IL36B: variants seen among roughly 807,000 people sequenced by gnomAD.
IL36B encodes the protein interleukin 36 beta.
A neutral mutation model predicts 19.3 loss-of-function variants in IL36B; 23 were observed. The observed-to-expected ratio is 1.19, with a 90% CI of 0.86 to 1.69. The LOEUF (loss-of-function observed/expected upper bound fraction) is 1.69, where lower values mean the gene tolerates loss of function less well. IL36B is among the 40% of genes most tolerant of loss of function. The probability of loss-of-function intolerance (pLI) is 0.00; values close to 1 mark genes in which losing one functional copy is unlikely to be tolerated. For missense variants in IL36B, 217 were observed against 200.5 expected (o/e 1.08, Z -0.50); for synonymous variants, 59 against 59.7 (o/e 0.99, Z 0.05).
Position 113,029,005 on chromosome 2 carries a change from T to G in IL36B, c.195A>C (p.Gly65=). Residue 65 remains glycine (G), a synonymous_variant, in exon 4 of 6, where the codon GGA becomes GGC. Coordinates refer to ENST00000259213, the MANE Select transcript of IL36B (RefSeq NM_014438.5). ...AGAGACAGAGATCTTTTCCCTTGAT[T>G]CCCAGGTAAACCATATTACCCTTTT... The G allele has an allele frequency of 1.2e-6, 2 of 1,614,086 alleles. No individual in the cohort carries two copies. Among genetic ancestry groups the G allele is most frequent in the Non-Finnish European group, 1.7e-6 (2 of 1,179,904 alleles).
chr2:113,031,723 C>G lies in IL36B; in HGVS notation c.-14G>C, dbSNP rs760222125. 1.9e-6 allele frequency: 3 copies of G among 1,607,118 alleles called. No individual in the cohort carries two copies. The highest frequency in any genetic ancestry group is 2.6e-6 in the Non-Finnish European group (3 of 1,174,036). ...TTGTGGGTTCATGATGTCTTCAGAG[C>G]CTTTTGTGAAGAGAACAAGATAGAT... On this transcript the variant is annotated 5_prime_UTR_variant, in exon 2 of 6. Transcript: ENST00000259213.
intron 1 of IL36B, among the ~76,000 whole-genome samples, chr2:113,039,784 C>T (rs1007102596): frequency 9.9e-5 from 15 of 152,278 alleles, no homozygotes; most frequent in Non-Finnish European, 1.6e-4. Context: ...CAGAAAGGCA[C>T]GAGTTTATTT....
At chr2:113,025,282 C>T (rs1222486108) in intron 5 of IL36B, among the ~76,000 whole-genome samples, 1 of 152,204 alleles carries the variant, frequency 6.6e-6, no homozygotes, top group South Asian at 2.1e-4. Flanking sequence ...TTTTTCCTCT[C>T]CATATTCTGT....
chr2:113,031,767 CTGT>C lies in IL36B; in HGVS notation c.-57-4_-57-2del, dbSNP rs1480472603. 1 of 1,393,852 alleles carries C rather than the reference CTGT, an allele frequency of 7.2e-7. No homozygotes were observed. Among genetic ancestry groups the C allele is most frequent in the Non-Finnish European group, 1.0e-6 (1 of 985,410 alleles). 86.3% of individuals were successfully genotyped at this position (1,393,852 alleles called of 1,614,324 possible). A position where few individuals can be genotyped will look rare whatever the true frequency, so the allele number is the denominator to read the frequency against. On this transcript the variant is annotated splice_acceptor_variant and splice_polypyrimidine_tract_variant and intron_variant, in intron 1 of 5. Coordinates refer to ENST00000259213, the MANE Select transcript of IL36B (RefSeq NM_014438.5). LOFTEE classifies it low-confidence loss of function (5UTR_SPLICE). ...GATAGATCAGATGGTGGTGAGGAGG[CTGT>C]TAACAGTTGGCCATGTGAGAGAAGG...
rs986634255 is a variant in IL36B at position 113,024,170 on chromosome 2, T to C, written c.392-1393A>G. ...CGGGTAAACTCCCTCTCTACCACCC[T>C]GTGAAAAACCCACCATTCAATAGTC... On this transcript the variant is annotated intron_variant, in intron 5 of 5. Coordinates refer to ENST00000259213, the MANE Select transcript of IL36B (RefSeq NM_014438.5). 2.0e-5 allele frequency among the ~76,000 whole-genome samples: 3 copies of C among 152,254 alleles called. No individual in the cohort carries two copies. In the East Asian group the frequency reaches 5.8e-4, roughly 29 times the overall value.
chr2:113,025,028 AATAC>A (rs1684931650), intron 5 of IL36B, among the ~76,000 whole-genome samples: 1 of 152,150 alleles, frequency 6.6e-6, no homozygotes. Context: ...CATATGCATA[AATAC>A]ATGTGGGGAA....
intron 1 of IL36B, among the ~76,000 whole-genome samples, chr2:113,033,339 C>A (rs978336257): frequency 1.3e-5 from 2 of 152,166 alleles, no homozygotes; most frequent in African/African-American, 4.8e-5. Context: ...TCAAGTGATT[C>A]TCCTGCCTCA....
chr2:113,022,981 G>T (rs1684889214), intron 5 of IL36B, among the ~76,000 whole-genome samples: 1 of 152,248 alleles, frequency 6.6e-6, no homozygotes. Context: ...AATTAGAGTT[G>T]GTGGGCATGG....
intron 1 of IL36B, among the ~76,000 whole-genome samples, chr2:113,045,654 T>C (rs1467546511): frequency 1.3e-5 from 2 of 152,188 alleles, no homozygotes; most frequent in African/African-American, 4.8e-5. Context: ...GTGTCGTATG[T>C]CCTTTTATTT....
chr2:113,028,296 T>C (rs575961660), intron 4 of IL36B, among the ~76,000 whole-genome samples, 181 bp from the exon 5 acceptor site: 2 of 152,270 alleles, frequency 1.3e-5, no homozygotes, highest in East Asian at 1.9e-4. Context: ...TGGGTTCCCA[T>C]AGCCTGGCTC....
At chr2:113,052,459 T>C (rs1685465997) in intron 1 of IL36B, among the ~76,000 whole-genome samples, 2 of 152,206 alleles carry the variant, frequency 1.3e-5, no homozygotes, top group African/African-American at 4.8e-5. Context: ...TTTGTGACCT[T>C]AGGTGACTTA....
chr2:113,035,877 G>A (rs1412422809), intron 1 of IL36B, among the ~76,000 whole-genome samples: 1 of 152,190 alleles, frequency 6.6e-6, no homozygotes, highest in African/African-American at 2.4e-5. Flanking sequence ...GGAAGTGGTT[G>A]CCTCAGGAGA....
intron 1 of IL36B, among the ~76,000 whole-genome samples, chr2:113,033,230 T>G (rs764622766): frequency 6.6e-6 from 1 of 152,178 alleles, no homozygotes; most frequent in African/African-American, 2.4e-5. Context: ...TCACGCTACA[T>G]TTACTTTTTT....
At chr2:113,034,622 T>C (rs1435692552) in intron 1 of IL36B, among the ~76,000 whole-genome samples, 2 of 152,208 alleles carry the variant, frequency 1.3e-5, no homozygotes. Context: ...TAACAAATAT[T>C]TTTTGATAAA....
rs558156472 is a variant in IL36B at position 113,022,537 on chromosome 2, CAT to C, written c.*135_*136del. 126 of 603,398 alleles carry C rather than the reference CAT, an allele frequency of 2.1e-4. No individual in the cohort carries two copies. The highest frequency in any genetic ancestry group is 1.7e-3 in the Middle Eastern group (4 of 2,424). The allele number at this position is 603,398 out of a possible 1,614,324, so 37.4% of individuals were successfully genotyped here. A position where few individuals can be genotyped will look rare whatever the true frequency, so the allele number is the denominator to read the frequency against. The stretch of plus-strand genomic sequence containing the variant: ...AAGATTTACCAACTCTTTAAAAATA[CAT>C]AGTGTCCTTGTTTTACAAACTCTCC... On this transcript the variant is annotated 3_prime_UTR_variant, in exon 6 of 6. Coordinates refer to ENST00000259213, the MANE Select transcript of IL36B (RefSeq NM_014438.5).
chr2:113,023,720 A>G (rs1684903184), intron 5 of IL36B, among the ~76,000 whole-genome samples: 1 of 152,196 alleles, frequency 6.6e-6, no homozygotes, highest in African/African-American at 2.4e-5. Context: ...CATACGGCCT[A>G]GAGTTGACTT....
At chr2:113,034,467 G>A (rs990491498) in intron 1 of IL36B, among the ~76,000 whole-genome samples, 10 of 146,038 alleles carry the variant, frequency 6.8e-5, no homozygotes, top group African/African-American at 2.5e-4. Context: ...CCATGGTTTT[G>A]GAAAATGTAT....
intron 5 of IL36B, among the ~76,000 whole-genome samples, chr2:113,025,899 C>A (rs577947429): frequency 2.0e-5 from 3 of 152,236 alleles, no homozygotes; most frequent in Admixed American, 1.3e-4. Flanking sequence ...AAGATGATGA[C>A]AAGTGACCCT....
At chr2:113,028,455 C>G (rs1314457529) in intron 4 of IL36B, among the ~76,000 whole-genome samples, 2 of 152,196 alleles carry the variant, frequency 1.3e-5, no homozygotes, top group African/African-American at 4.8e-5. Flanking sequence ...TTCTCAACCT[C>G]CAAGTGGGCT....
Sources: allele counts gnomAD v4.1 joint callset (sites outside exome capture counted in the v4.1 genomes callset), GRCh38; gene constraint gnomAD v4.1.1; transcripts MANE v1.5; gene names NCBI Gene and HGNC (gene_info 2026-07-23, HGNC 2026-07-21).